ZNF808: variants seen among roughly 807,000 people sequenced by gnomAD.
ZNF808 encodes the protein zinc finger protein 808.
Under a neutral mutation model 8.7 loss-of-function variants are expected in ZNF808, and 5 were observed. The observed-to-expected ratio is 0.58, with a 90% CI of 0.30 to 1.21. The LOEUF is 1.21. Among genes scored for constraint, ZNF808 ranks in the 50% most tolerant of loss-of-function variants. ZNF808 has a pLI of 0.07. For synonymous variants in ZNF808, 380 were observed against 366.0 expected, an observed-to-expected ratio of 1.04 and a Z score of -0.44; for missense variants, 1,103 against 1,098.4, an observed-to-expected ratio of 1.00 and a Z score of -0.06.
intron 2 of ZNF808, among the ~76,000 whole-genome samples, chr19:52,539,896 G>A (rs939753683): frequency 6.6e-6 from 1 of 151,970 alleles, no homozygotes; most frequent in African/African-American, 2.4e-5. Context: ...CCAGGCTGGA[G>A]TGCAGTGGCA....
At chr19:52,528,643 A>G (rs900986140) in intron 1 of ZNF808, among the ~76,000 whole-genome samples, 4 of 152,026 alleles carry the variant, frequency 2.6e-5, no homozygotes, top group Non-Finnish European at 5.9e-5. Flanking sequence ...TGAGGGAGAG[A>G]GGGAGGGATT....
rs1195255017 is a variant in ZNF808, at chr19:52,556,223, A to G, written c.*595A>G. On this transcript the variant is annotated 3_prime_UTR_variant, in exon 5 of 5. Transcript: ENST00000359798. ...GCCTGTAATCCCAGCACGTTGGAAGACCAAGGCACATAGGTCACTTGAGGT... is the reference window on the plus strand; with the variant it reads ...GCCTGTAATCCCAGCACGTTGGAAGGCCAAGGCACATAGGTCACTTGAGGT... 5 of 227,462 alleles carry G rather than the reference A, an allele frequency of 2.2e-5. No individual in the cohort carries two copies. Among genetic ancestry groups the G allele is most frequent in the South Asian group, 5.6e-5 (1 of 17,832 alleles). The allele number at this position is 227,462 out of a possible 1,614,324, so 14.1% of individuals were successfully genotyped here. A position where few individuals can be genotyped will look rare whatever the true frequency, so the allele number is the denominator to read the frequency against.
intron 3 of ZNF808, chr19:52,563,288 TATTA>T (rs529699835): frequency 3.3e-4 from 50 of 152,292 alleles, no homozygotes; most frequent in African/African-American, 1.0e-3. Flanking sequence ...TACAATATTT[TATTA>T]ATTAATTTTT....
chr19:52,549,403 CAG>C (rs2059753850), intron 4 of ZNF808, among the ~76,000 whole-genome samples: 2 of 152,144 alleles, frequency 1.3e-5, no homozygotes, highest in South Asian at 2.1e-4. Flanking sequence ...GGTATCTACA[CAG>C]GGGATATTGT....
intron 4 of ZNF808, among the ~76,000 whole-genome samples, chr19:52,552,901 G>C (rs527705579): frequency 6.6e-6 from 1 of 152,216 alleles, no homozygotes; most frequent in South Asian, 2.1e-4. Flanking sequence ...CATGATATAG[G>C]AAATAGACTT....
chr19:52,529,000 G>A (rs771667634), intron 1 of ZNF808, among the ~76,000 whole-genome samples: 4 of 151,776 alleles, frequency 2.6e-5, no homozygotes, highest in South Asian at 2.1e-4. Flanking sequence ...GAATCCCAGG[G>A]AGAAAGAAAA....
intron 2 of ZNF808, among the ~76,000 whole-genome samples, chr19:52,542,509 C>A (rs893731820): frequency 6.6e-5 from 10 of 151,938 alleles, no homozygotes; most frequent in African/African-American, 2.4e-4. Flanking sequence ...GTTCTGATAT[C>A]ATCTTCTCCG....
chr19:52,562,768 G>A (rs1055777091), intron 3 of ZNF808, among the ~76,000 whole-genome samples: 3 of 143,346 alleles, frequency 2.1e-5, no homozygotes, highest in African/African-American at 8.0e-5. Context: ...CTCTGACACT[G>A]TTAGTCAATT....
At chr19:52,542,789 C>G (rs2059684304) in intron 2 of ZNF808, among the ~76,000 whole-genome samples, 1 of 151,486 alleles carries the variant, frequency 6.6e-6, no homozygotes, top group African/African-American at 2.4e-5. Context: ...AAATGAGGCA[C>G]AAGTAGTTAC....
At chr19:52,561,206 CTCTCTCTATATATA>C (rs1410135243), downstream of ZNF808, among the ~76,000 whole-genome samples, 169 of 35,286 alleles carry the variant, frequency 4.8e-3, no homozygotes, top group Admixed American at 7.9e-3. Flanking sequence ...CTCTCTCTCT[CTCTCTCTATATATA>C]TATATATATA....
At chr19:52,539,402 G>A (rs886772569) in intron 2 of ZNF808, among the ~76,000 whole-genome samples, 8 of 151,520 alleles carry the variant, frequency 5.3e-5, no homozygotes, top group Non-Finnish European at 8.8e-5. Flanking sequence ...ATCTAGGCGG[G>A]ACTTGTCTTG....
At chr19:52,550,354 C>T (rs1238665900) in intron 4 of ZNF808, among the ~76,000 whole-genome samples, 5 of 151,958 alleles carry the variant, frequency 3.3e-5, no homozygotes, top group Non-Finnish European at 2.9e-5. Flanking sequence ...CCTCAGCCTT[C>T]TGAGTAGCTG....
At chr19:52,563,005 A>G (rs2059862763) in intron 3 of ZNF808, among the ~76,000 whole-genome samples, 1 of 151,852 alleles carries the variant, frequency 6.6e-6, no homozygotes, top group Non-Finnish European at 1.5e-5. Context: ...CCAACTCCTG[A>G]CCCCGTGATC....
downstream of ZNF808, chr19:52,564,497 A>C: frequency 1.0e-5 from 2 of 200,618 alleles, no homozygotes; most frequent in South Asian, 8.6e-5. Flanking sequence ...TGAGATGGAG[A>C]CTCCACTCGG....
chr19:52,560,630 C>T (rs1252350360), downstream of ZNF808, among the ~76,000 whole-genome samples: 1 of 152,148 alleles, frequency 6.6e-6, no homozygotes, highest in East Asian at 1.9e-4. Flanking sequence ...CACCATACTG[C>T]TGATTTTTTG....
chr19:52,551,702 C>T (rs2059778202), intron 4 of ZNF808, among the ~76,000 whole-genome samples: 1 of 152,222 alleles, frequency 6.6e-6, no homozygotes, highest in East Asian at 1.9e-4. Context: ...ACACTGCACT[C>T]GTTAATGTCA....
Position 52,555,188 on chromosome 19 carries a change from A to G in ZNF808, c.2272A>G (p.Ser758Gly). 4 of 1,614,138 alleles carry G rather than the reference A, an allele frequency of 2.5e-6. No individual in the cohort carries two copies. Among genetic ancestry groups the G allele is most frequent in the Non-Finnish European group, 3.4e-6 (4 of 1,180,008 alleles). Residue 758 changes from serine to glycine, a missense_variant, in exon 5 of 5, where the codon AGT becomes GGT. Physicochemically the swap from Ser to Gly is moderately conservative, Grantham distance 56. Coordinates refer to ENST00000359798, the MANE Select transcript of ZNF808 (RefSeq NM_001039886.4). Reference protein sequence around the residue: ...ATLLCHRRLHSGEKPYKCNDC... With the variant: ...ATLLCHRRLHGGEKPYKCNDC... ...CCTTCTATGCCATCGTAGACTTCAT[A>G]GTGGTGAGAAACCTTACAAGTGTAA...
rs760478779 is a variant in ZNF808, at chr19:52,554,432, AGTG to A, written c.1520_1522del (p.Gly507del). ...CCTTCTATGCCATCGTAGACTTCAT[AGTG>A]GTGAAAAACCTTACAAGTGTAATCA... is the stretch of plus-strand genomic sequence containing the variant. On this transcript the variant is annotated inframe_deletion, in exon 5 of 5. Transcript: ENST00000359798. The A allele has an allele frequency of 2.5e-6, 4 of 1,613,958 alleles. No individual in the cohort carries two copies. In the African/African-American group the frequency reaches 5.3e-5, roughly 22 times the overall value.
chr19:52,535,562 C>T (rs1293718997), intron 2 of ZNF808, among the ~76,000 whole-genome samples: 4 of 152,262 alleles, frequency 2.6e-5, no homozygotes, highest in Admixed American at 2.0e-4. Flanking sequence ...CCTCCCTGGC[C>T]TGAGCACTCC....
Sources: gnomAD v4.1 joint callset for allele counts (sites outside exome capture counted in the v4.1 genomes callset) on GRCh38, gnomAD v4.1.1 for gene constraint, MANE v1.5 for transcripts, NCBI Gene and HGNC (gene_info 2026-07-23, HGNC 2026-07-21) for gene names.